Variants in ACVR1C observed in about 807,000 individuals in gnomAD.
ACVR1C encodes the protein activin A receptor type 1C, also known as activin receptor type-1C.
In ACVR1C, 23 loss-of-function variants were observed where a neutral mutation model predicts 57.9. The observed-to-expected ratio is 0.40, with a 90% confidence interval of 0.29 to 0.56. The LOEUF is 0.56. Ranked by LOEUF, ACVR1C falls within the 20% of genes least tolerant of loss-of-function variation. The pLI is 0.50. For missense variants in ACVR1C, 480 were observed against 607.9 expected, an observed-to-expected ratio of 0.79 and a Z score of 2.21; for synonymous variants, 214 against 215.3, an observed-to-expected ratio of 0.99 and a Z score of 0.05.
chr2:157,612,541 T>C (rs1329784344), intron 1 of ACVR1C, among the ~76,000 whole-genome samples: 1 of 151,988 alleles, frequency 6.6e-6, no homozygotes, highest in Non-Finnish European at 1.5e-5. Context: ...TGCAGCAGTG[T>C]GTGGAGTTGG....
intron 2 of ACVR1C, among the ~76,000 whole-genome samples, chr2:157,586,173 T>C (rs1688916772): frequency 6.6e-6 from 1 of 150,438 alleles, no homozygotes; most frequent in Non-Finnish European, 1.5e-5. Context: ...TGCAGGAGCA[T>C]TGTTTGTTTG....
intron 4 of ACVR1C, among the ~76,000 whole-genome samples, chr2:157,545,763 A>C (rs1024301613): frequency 3.3e-5 from 5 of 151,952 alleles, no homozygotes; most frequent in Non-Finnish European, 4.4e-5. Flanking sequence ...TATTATTACT[A>C]TTATTTTATT....
chr2:157,576,032 C>G (rs1388904239), intron 2 of ACVR1C, among the ~76,000 whole-genome samples: 1 of 151,884 alleles, frequency 6.6e-6, no homozygotes, highest in African/African-American at 2.4e-5. Context: ...AATGAATATA[C>G]AGAAAATTAT....
In ACVR1C at chr2:157,542,736, A is replaced by G; in HGVS notation, c.1070T>C (p.Ile357Thr). The G allele has an allele frequency of 1.2e-6, 2 of 1,613,728 alleles. No homozygotes were observed. Among genetic ancestry groups the G allele is most frequent in the Non-Finnish European group, 1.7e-6 (2 of 1,179,856 alleles). Residue 357 changes from isoleucine (I) to threonine (T), a missense_variant, in exon 6 of 9, where the codon ATA becomes ACA. Physicochemically the swap from Ile to Thr is moderately conservative, Grantham distance 89. Coordinates refer to ENST00000243349, the MANE Select transcript of ACVR1C (RefSeq NM_145259.3). Reference sequence around the variant, plus strand: ...GGTTCCCACTTTAGGATTCTGAGGTATGTCGATAGTGTTCAGTATTGAATC... The same window carrying G: ...GGTTCCCACTTTAGGATTCTGAGGTGTGTCGATAGTGTTCAGTATTGAATC... The part of the protein sequence containing the change: ...KHDSILNTID[I>T]PQNPKVGTKR...
At chr2:157,541,550 G>A (rs1004942067) in intron 6 of ACVR1C, among the ~76,000 whole-genome samples, 1 of 152,196 alleles carries the variant, frequency 6.6e-6, no homozygotes, top group African/African-American at 2.4e-5. Flanking sequence ...ATACTGAAGT[G>A]AGGATGCAAC....
chr2:157,563,102 A>T (rs1688281491), intron 2 of ACVR1C, among the ~76,000 whole-genome samples: 1 of 152,204 alleles, frequency 6.6e-6, no homozygotes, highest in Non-Finnish European at 1.5e-5. Flanking sequence ...TGAACATAGT[A>T]TTGGAAGTTC....
In ACVR1C at chr2:157,528,732, C is replaced by G. The variant is rs1573895332; in HGVS notation, c.*5186G>C. On this transcript the variant is annotated 3_prime_UTR_variant, in exon 9 of 9. Transcript: ENST00000243349. ...TCTCAAGCGGAATTTAGCATTAAAG[C>G]AAAAGTAGACATTCTTTATATGTTA... The G allele has an allele frequency of 6.6e-6, 1 of 152,180 alleles. No homozygotes were observed. Among genetic ancestry groups the G allele is most frequent in the Non-Finnish European group, 1.5e-5 (1 of 67,986 alleles). 9.4% of individuals were successfully genotyped at this position (152,180 alleles called of 1,614,324 possible).
intron 2 of ACVR1C, among the ~76,000 whole-genome samples, chr2:157,566,693 C>T (rs1251752929): frequency 4.0e-5 from 6 of 151,712 alleles, no homozygotes; most frequent in Non-Finnish European, 7.4e-5. Flanking sequence ...TATCCCACAC[C>T]TGGCTCAGAG....
At chr2:157,590,418 T>C (rs1219731293) in intron 1 of ACVR1C, among the ~76,000 whole-genome samples, 2 of 151,928 alleles carry the variant, frequency 1.3e-5, no homozygotes, top group African/African-American at 4.8e-5. Context: ...TAACTGAATA[T>C]TTAAGAAAGA....
intron 2 of ACVR1C, among the ~76,000 whole-genome samples, chr2:157,563,366 C>T (rs191647864): frequency 6.6e-6 from 1 of 152,224 alleles, no homozygotes; most frequent in African/African-American, 2.4e-5. Flanking sequence ...CTCCTATTCA[C>T]AATTGCTACA....
In ACVR1C at chr2:157,628,843, G is replaced by A. The variant is rs1320065422; in HGVS notation, c.-199C>T. On this transcript the variant is annotated 5_prime_UTR_variant, in exon 1 of 9. Coordinates refer to ENST00000243349, the MANE Select transcript of ACVR1C (RefSeq NM_145259.3). Reference sequence around the variant, plus strand: ...CCATCCCACGCCCCCTGCGGCTGGCGGTGCGCGGCGCTCCTGCCACTGGCC... The same window carrying A: ...CCATCCCACGCCCCCTGCGGCTGGCAGTGCGCGGCGCTCCTGCCACTGGCC... 1 of 360,340 alleles carries A rather than the reference G, an allele frequency of 2.8e-6. No individual in the cohort carries two copies. 22.3% of individuals were successfully genotyped at this position (360,340 alleles called of 1,614,324 possible).
rs767423424 is a variant in ACVR1C at position 157,527,244 on chromosome 2, T to C, written c.*6674A>G. 3.9e-5 allele frequency: 6 copies of C among 152,180 alleles called. No homozygotes were observed. Among genetic ancestry groups the C allele is most frequent in the Non-Finnish European group, 8.8e-5 (6 of 68,014 alleles). The allele number at this position is 152,180 out of a possible 1,614,324, so 9.4% of individuals were successfully genotyped here. A position where few individuals can be genotyped will look rare whatever the true frequency, so the allele number is the denominator to read the frequency against. On this transcript the variant is annotated 3_prime_UTR_variant, in exon 9 of 9. Transcript: ENST00000243349. ...ATTTTTGATACAGTTTATTGCCCAA[T>C]TCCTATTTTAAAACCTAATTTATTT...
intron 6 of ACVR1C, 108 bp from the exon 7 acceptor site, chr2:157,541,322 A>C: frequency 4.4e-6 from 5 of 1,138,044 alleles, no homozygotes; most frequent in Non-Finnish European, 6.1e-6. Flanking sequence ...GCAGATTTGA[A>C]GCACTATAAT....
chr2:157,597,506 C>T (rs1036858507), intron 1 of ACVR1C: 12 of 985,300 alleles, frequency 1.2e-5, no homozygotes, highest in African/African-American at 1.7e-5. Flanking sequence ...GCAGTGAATT[C>T]GGCCCCGACG....
In ACVR1C at chr2:157,538,500, G is replaced by T; in HGVS notation, c.1356+73C>A. ...TGGAATGAATTGGAAAAACTATATG[G>T]TCTCTGAAAAGTCTCCCCGATACTC... On this transcript the variant is annotated intron_variant, in intron 8 of 8. Coordinates refer to ENST00000243349, the MANE Select transcript of ACVR1C (RefSeq NM_145259.3). 1.5e-6 allele frequency: 2 copies of T among 1,313,644 alleles called. 1 individual carries two copies. The highest frequency in any genetic ancestry group is 4.4e-5 in the South Asian group (2 of 45,656). The allele number at this position is 1,313,644 out of a possible 1,614,324, so 81.4% of individuals were successfully genotyped here. A position where few individuals can be genotyped will look rare whatever the true frequency, so the allele number is the denominator to read the frequency against.
chr2:157,554,268 A>AAAGAAAGGAAGGAAGG (rs1261113225), intron 3 of ACVR1C, among the ~76,000 whole-genome samples: 25 of 113,594 alleles, frequency 2.2e-4, no homozygotes, highest in Middle Eastern at 4.6e-3. Context: ...AGAAAGAAAG[A>AAAGAAAGGAAGGAAGG]AAGGAAGGAA....
intron 5 of ACVR1C, among the ~76,000 whole-genome samples, chr2:157,543,346 T>C (rs373255870): frequency 6.6e-6 from 1 of 152,084 alleles, no homozygotes; most frequent in Non-Finnish European, 1.5e-5. Flanking sequence ...AAACAACATA[T>C]GAGAACAGAC....
At chr2:157,554,135 A>G (rs1450215407) in intron 3 of ACVR1C, among the ~76,000 whole-genome samples, 1 of 149,804 alleles carries the variant, frequency 6.7e-6, no homozygotes, top group East Asian at 2.0e-4. Flanking sequence ...GTGAGCCAAG[A>G]TAGCACCACT....
chr2:157,624,006 TTC>T (rs1682842660), intron 1 of ACVR1C, among the ~76,000 whole-genome samples: 1 of 152,212 alleles, frequency 6.6e-6, no homozygotes. Flanking sequence ...TGAAAATTAA[TTC>T]TCTTGTTCTA....
Sources: allele counts gnomAD v4.1 joint callset (sites outside exome capture counted in the v4.1 genomes callset), GRCh38; gene constraint gnomAD v4.1.1; transcripts MANE v1.5; gene names NCBI Gene and HGNC (gene_info 2026-07-23, HGNC 2026-07-21).